MTUS2: variants seen among roughly 807,000 people sequenced by gnomAD.
MTUS2 encodes the protein microtubule associated scaffold protein 2.
Under a neutral mutation model 114.1 loss-of-function variants are expected in MTUS2, and 40 were observed. The ratio of observed to expected loss-of-function variants is 0.35; its 90% CI spans 0.27 to 0.46. The LOEUF (loss-of-function observed/expected upper bound fraction) is 0.46. Ranked by LOEUF, MTUS2 falls within the 20% of genes least tolerant of loss-of-function variation. The pLI is 1.00. For missense variants in MTUS2, 1,679 were observed against 1,705.4 expected (o/e 0.98, Z 0.27); for synonymous variants, 688 against 672.0 (o/e 1.02, Z -0.37).
intron 2 of MTUS2, among the ~76,000 whole-genome samples, chr13:28,880,580 A>G (rs563954017): frequency 6.6e-6 from 1 of 152,378 alleles, no homozygotes; most frequent in African/African-American, 2.4e-5. Flanking sequence ...AAAACAAGTC[A>G]TAATGTAACA....
At chr13:28,938,886 G>A (rs1010395132) in intron 2 of MTUS2, among the ~76,000 whole-genome samples, 3 of 152,036 alleles carry the variant, frequency 2.0e-5, no homozygotes, top group Admixed American at 2.0e-4. Flanking sequence ...AGTGAACATC[G>A]TTTAATACTG....
intron 6 of MTUS2, among the ~76,000 whole-genome samples, chr13:29,318,257 GTTTT>G (rs34302306): frequency 7.2e-6 from 1 of 139,206 alleles, no homozygotes; most frequent in Non-Finnish European, 1.6e-5. Flanking sequence ...AATGTTTTAG[GTTTT>G]TTTTTTTTTT....
chr13:29,053,443 T>A (rs928383866), intron 4 of MTUS2, among the ~76,000 whole-genome samples: 1 of 152,126 alleles, frequency 6.6e-6, no homozygotes, highest in African/African-American at 2.4e-5. Context: ...GTTCACAGTG[T>A]CCCCTTGGGC....
At position 29,503,236 on chromosome 13, in the gene MTUS2, C is replaced by G. The variant is rs1883026079; in HGVS notation, c.*30C>G. ...ACTACACGGCCTGCGGGAGCTCCGG[C>G]TTCTCGTCCTCCGGTCTCCACCCTG... On this transcript the variant is annotated 3_prime_UTR_variant, in exon 16 of 16. Coordinates refer to ENST00000612955, the MANE Select transcript of MTUS2 (RefSeq NM_001033602.4). 6.2e-7 allele frequency: 1 copy of G among 1,609,090 alleles called. No homozygotes were observed. The highest frequency in any genetic ancestry group is 1.3e-5 in the African/African-American group (1 of 74,816).
intron 9 of MTUS2, among the ~76,000 whole-genome samples, chr13:29,445,759 T>A (rs1878231209): frequency 6.7e-6 from 1 of 149,640 alleles, no homozygotes; most frequent in South Asian, 2.1e-4. Flanking sequence ...AAAAAAAAAA[T>A]TAGCCAGGTA....
chr13:29,011,351 G>A (rs1885836476), intron 2 of MTUS2, among the ~76,000 whole-genome samples: 1 of 152,204 alleles, frequency 6.6e-6, no homozygotes. Flanking sequence ...ATGCTAGCAA[G>A]ACAGTTTTCC....
intron 4 of MTUS2, among the ~76,000 whole-genome samples, chr13:29,058,074 G>C (rs1477140150): frequency 6.6e-6 from 1 of 151,924 alleles, no homozygotes; most frequent in Admixed American, 6.6e-5. Context: ...TTAAATTCTT[G>C]GTTGGAATTT....
intron 2 of MTUS2, among the ~76,000 whole-genome samples, chr13:28,884,092 A>G (rs747020019): frequency 9.2e-5 from 14 of 152,184 alleles, no homozygotes; most frequent in Non-Finnish European, 1.9e-4. Context: ...ATTCAAATAG[A>G]TATTTGTACA....
intron 2 of MTUS2, among the ~76,000 whole-genome samples, chr13:28,848,208 A>G (rs781231136): frequency 3.9e-5 from 6 of 152,172 alleles, no homozygotes; most frequent in Non-Finnish European, 5.9e-5. Flanking sequence ...AGAATTTACT[A>G]TCTTTCCAAG....
At chr13:29,058,659 C>T (rs907256762) in intron 4 of MTUS2, among the ~76,000 whole-genome samples, 1 of 150,020 alleles carries the variant, frequency 6.7e-6, no homozygotes, top group Non-Finnish European at 1.5e-5. Context: ...GTGTGCTGCA[C>T]CCAGTAACTC....
intron 8 of MTUS2, among the ~76,000 whole-genome samples, chr13:29,375,727 G>C (rs1417135537): frequency 4.7e-5 from 7 of 148,892 alleles, no homozygotes; most frequent in Non-Finnish European, 8.9e-5. Context: ...TATTCTAAGG[G>C]GGGTTACTCA....
At chr13:29,183,112 A>T (rs1001664160) in intron 5 of MTUS2, among the ~76,000 whole-genome samples, 1 of 152,192 alleles carries the variant, frequency 6.6e-6, no homozygotes, top group Admixed American at 6.5e-5. Flanking sequence ...TGTGTTCTGT[A>T]GTTTTATTGC....
intron 5 of MTUS2, among the ~76,000 whole-genome samples, chr13:29,223,355 C>T (rs756164613): frequency 1.3e-5 from 2 of 152,106 alleles, no homozygotes; most frequent in Non-Finnish European, 2.9e-5. Context: ...TGGGCCTCCT[C>T]TTTGCTGAGA....
intron 2 of MTUS2, among the ~76,000 whole-genome samples, chr13:28,876,963 G>A (rs1054085679): frequency 3.3e-5 from 5 of 151,928 alleles, no homozygotes; most frequent in South Asian, 2.1e-4. Flanking sequence ...ACATTTATAC[G>A]TTGCTTATTG....
At chr13:28,974,211 T>A (rs1017034197) in intron 2 of MTUS2, among the ~76,000 whole-genome samples, 1 of 152,206 alleles carries the variant, frequency 6.6e-6, no homozygotes, top group Non-Finnish European at 1.5e-5. Context: ...AGGGGAGTTT[T>A]GTTTTGTGGG....
Position 29,026,605 on chromosome 13 carries a change from A to G in MTUS2, c.1907A>G (p.Lys636Arg). ...RTETKPIIMP[K>R]PKHVRPKIIT... ...GAAACTAAGCCCATCATTATGCCCA[A>G]GCCCAAGCATGTGAGGCCCAAGATC... The change falls in exon 3 of 16, where the codon AAG becomes AGG. Residue 636 changes from lysine to arginine, a missense_variant. Coordinates refer to ENST00000612955, the MANE Select transcript of MTUS2 (RefSeq NM_001033602.4). The G allele has an allele frequency of 1.2e-6, 2 of 1,613,992 alleles. No homozygotes were observed.
chr13:29,065,432 T>A (rs2138664699), intron 4 of MTUS2, among the ~76,000 whole-genome samples: 1 of 152,342 alleles, frequency 6.6e-6, no homozygotes, highest in South Asian at 2.1e-4. Context: ...TGCCTTCTTT[T>A]GAGAAGTGTC....
At chr13:29,390,220 A>G (rs1375424717) in intron 8 of MTUS2, among the ~76,000 whole-genome samples, 2 of 151,618 alleles carry the variant, frequency 1.3e-5, no homozygotes, top group African/African-American at 4.8e-5. Flanking sequence ...AGGACTAGAC[A>G]TAAGTAAGAG....
intron 5 of MTUS2, among the ~76,000 whole-genome samples, chr13:29,170,050 G>A (rs1223749716): frequency 1.7e-5 from 1 of 58,116 alleles, no homozygotes; most frequent in African/African-American, 5.9e-5. Flanking sequence ...GTTGATGAGA[G>A]CATGGAGAAA....
Sources: allele counts gnomAD v4.1 joint callset (sites outside exome capture counted in the v4.1 genomes callset), GRCh38; gene constraint gnomAD v4.1.1; transcripts MANE v1.5; gene names NCBI Gene and HGNC (gene_info 2026-07-23, HGNC 2026-07-21).